The following PTK2 variants were observed in gnomAD, a reference collection of about 807,000 sequenced individuals.
PTK2 encodes protein tyrosine kinase 2, also known as focal adhesion kinase 1.
Under a neutral mutation model 150.1 loss-of-function variants are expected in PTK2, and 45 were observed. That is an observed-to-expected ratio of 0.30 (90% confidence interval 0.24 to 0.38). The LOEUF is 0.38. Ranked by LOEUF, PTK2 falls within the 10% of genes least tolerant of loss-of-function variation. The probability of loss-of-function intolerance (pLI) is 1.00; values close to 1 mark genes in which losing one functional copy is unlikely to be tolerated. For missense variants in PTK2, 919 were observed against 1,307.3 expected (o/e 0.70, Z 4.58); for synonymous variants, 432 against 449.2 (o/e 0.96, Z 0.48).
intron 1 of PTK2, among the ~76,000 whole-genome samples, chr8:140,961,193 C>A (rs747503492): frequency 2.6e-5 from 4 of 152,194 alleles, no homozygotes; most frequent in Non-Finnish European, 4.4e-5. Context: ...AGGCAAATAA[C>A]TACACCACAC....
chr8:140,679,017 T>TG (rs1564185833), intron 27 of PTK2, among the ~76,000 whole-genome samples: 1 of 32,560 alleles, frequency 3.1e-5, no homozygotes, highest in East Asian at 8.6e-4. Context: ...TTTTTTTTTT[T>TG]TTTTTTTTTT....
intron 7 of PTK2, among the ~76,000 whole-genome samples, chr8:140,845,920 T>C (rs2100125139): frequency 6.6e-6 from 1 of 152,196 alleles, no homozygotes; most frequent in Non-Finnish European, 1.5e-5. Context: ...TGCAAAACAA[T>C]CTGTAGTAAC....
At chr8:140,658,369 CAG>C (rs1421564935) in exon 32 of PTK2, 1 of 177,858 alleles carries the variant, frequency 5.6e-6, no homozygotes, top group Admixed American at 6.3e-5. Context: ...TCTGAAGAAA[CAG>C]AACCAAAAGA....
chr8:140,693,633 T>C (rs185030385), intron 26 of PTK2, among the ~76,000 whole-genome samples: 15 of 139,980 alleles, frequency 1.1e-4, no homozygotes, highest in East Asian at 8.9e-4. Flanking sequence ...GAGTATCTGC[T>C]GTGGGGCCAT....
chr8:140,956,981 A>G (rs2154609252), intron 1 of PTK2, among the ~76,000 whole-genome samples: 1 of 152,262 alleles, frequency 6.6e-6, no homozygotes, highest in East Asian at 1.9e-4. Flanking sequence ...GAATCACTTG[A>G]ACCCAGGAGG....
chr8:140,841,396 G>A (rs1366695287), intron 7 of PTK2, among the ~76,000 whole-genome samples: 1 of 152,004 alleles, frequency 6.6e-6, no homozygotes, highest in Non-Finnish European at 1.5e-5. Flanking sequence ...CACAGACCAC[G>A]CTATCTGAGC....
In PTK2 at chr8:140,789,223, A is replaced by T. The variant is rs541285689; in HGVS notation, c.1177+251T>A. Reference sequence around the variant, plus strand: ...TAACATGATATTAAAACCCAAAAATAATTTGGAATTCTATACAACTTGCTG... The same window carrying T: ...TAACATGATATTAAAACCCAAAAATTATTTGGAATTCTATACAACTTGCTG... On this transcript the variant is annotated intron_variant, in intron 14 of 31. Coordinates refer to ENST00000522684, the Ensembl canonical transcript of PTK2. Among the ~76,000 whole-genome samples the T allele has an allele frequency of 2.6e-4, 40 of 152,028 alleles. No homozygotes were observed. In the South Asian group the frequency reaches 7.9e-3, roughly 30 times the overall value.
At chr8:140,923,187 T>A (rs1250637741) in intron 2 of PTK2, among the ~76,000 whole-genome samples, 1 of 152,232 alleles carries the variant, frequency 6.6e-6, no homozygotes, top group African/African-American at 2.4e-5. Context: ...TGAAAGAGCA[T>A]AAATTCTCCA....
chr8:140,890,601 T>C (rs776011186), exon 3 of PTK2: 11 of 1,614,038 alleles, frequency 6.8e-6, no homozygotes, highest in East Asian at 2.2e-5. Flanking sequence ...TGGCTCACTA[T>C]TGCTTTCAAA....
chr8:140,769,669 G>A (rs2100074463), intron 14 of PTK2, 77 bp from the exon 16 acceptor site: 2 of 975,028 alleles, frequency 2.1e-6, no homozygotes, highest in Non-Finnish European at 2.9e-6. Flanking sequence ...GAAGAGGGAA[G>A]AGAGGGGAAA....
chr8:140,845,163 A>G (rs1402139839), intron 7 of PTK2, among the ~76,000 whole-genome samples: 2 of 152,146 alleles, frequency 1.3e-5, no homozygotes, highest in Non-Finnish European at 2.9e-5. Flanking sequence ...ATGAAATTCT[A>G]ATCTCACAAA....
intron 14 of PTK2, among the ~76,000 whole-genome samples, chr8:140,772,119 C>T (rs557567115): frequency 5.0e-4 from 76 of 152,182 alleles, no homozygotes; most frequent in African/African-American, 1.7e-3. Flanking sequence ...ACAATTTCAT[C>T]TTATTGCTTG....
At chr8:140,879,763 A>C (rs2100148130) in intron 3 of PTK2, 126 bp from the exon 4 acceptor site, 1 of 782,728 alleles carries the variant, frequency 1.3e-6, no homozygotes. Flanking sequence ...TGCAATGTTC[A>C]TTTCTTTTAG....
Position 140,880,304 on chromosome 8 carries a change from G to A in PTK2, c.196-667C>T, listed in dbSNP as rs562474200. Among the ~76,000 whole-genome samples, 15 of 152,328 alleles carry A rather than the reference G, an allele frequency of 9.8e-5. No individual in the cohort carries two copies. The South Asian group carries it at 2.9e-3, about 29-fold the overall frequency. ...AGTTCAGAGAAGGTCACCTTTGAAT[G>A]AGGTCATCAGGGAATGTTCCCTAGA... is the stretch of plus-strand genomic sequence containing the variant. On this transcript the variant is annotated intron_variant, in intron 3 of 31. Transcript: ENST00000522684.
chr8:140,686,469 AG>A (rs921340136), intron 27 of PTK2, among the ~76,000 whole-genome samples, 162 bp downstream of exon 30: 1 of 152,202 alleles, frequency 6.6e-6, no homozygotes, highest in Non-Finnish European at 1.5e-5. Context: ...TAAAAATTCT[AG>A]GCTGTACATC....
chr8:140,953,764 T>C (rs1254796850), intron 1 of PTK2, among the ~76,000 whole-genome samples: 1 of 152,090 alleles, frequency 6.6e-6, no homozygotes, highest in Non-Finnish European at 1.5e-5. Flanking sequence ...TGAATCTGAA[T>C]CCCAGCTTTG....
rs797013196 is a variant in PTK2 at position 140,694,042 on chromosome 8, CT to C, written c.2499+6848del. Reference sequence around the variant, plus strand: ...TAAGCATCTTTTTTTCTTTTCTTTTCTTTTTTTTTTTTTTTTGAGATGGAGT... The same window carrying C: ...TAAGCATCTTTTTTTCTTTTCTTTTCTTTTTTTTTTTTTTTGAGATGGAGT... On this transcript the variant is annotated intron_variant, in intron 26 of 31. Transcript: ENST00000522684. 9.5e-3 allele frequency among the ~76,000 whole-genome samples: 1,297 copies of C among 136,910 alleles called. 3 individuals carry two copies. Among genetic ancestry groups the C allele is most frequent in the African/African-American group, 0.027 (1,020 of 37,936 alleles). 89.8% of individuals were successfully genotyped at this position (136,910 alleles called of 152,430 possible). A position where few individuals can be genotyped will look rare whatever the true frequency, so the allele number is the denominator to read the frequency against.
chr8:140,934,439 A>T (rs75887134), intron 1 of PTK2: 1 of 140,004 alleles, frequency 7.1e-6, no homozygotes, highest in Non-Finnish European at 1.6e-5. Context: ...ATAAAAAAAT[A>T]AATTTTTTTT....
At chr8:140,663,685 T>A (rs879910739) in intron 31 of PTK2, among the ~76,000 whole-genome samples, 2 of 152,210 alleles carry the variant, frequency 1.3e-5, no homozygotes, top group Non-Finnish European at 2.9e-5. Context: ...CTTAAAACTT[T>A]TTTTTTTGAA....
Sources: allele counts gnomAD v4.1 joint callset (sites outside exome capture counted in the v4.1 genomes callset), GRCh38; gene constraint gnomAD v4.1.1; transcripts MANE v1.5; gene names NCBI Gene and HGNC (gene_info 2026-07-23, HGNC 2026-07-21).